ZNF154: variants seen among roughly 807,000 people sequenced by gnomAD.
ZNF154 encodes zinc finger protein 154.
Under a neutral mutation model 7.5 loss-of-function variants are expected in ZNF154, and 6 were observed. The ratio of observed to expected loss-of-function variants is 0.80; its 90% CI spans 0.44 to 1.57. ZNF154 has a LOEUF of 1.57. Among genes scored for constraint, ZNF154 ranks in the 40% most tolerant of loss-of-function variants. The pLI, the probability that ZNF154 is intolerant of heterozygous loss-of-function variation, is 0.01. For missense variants in ZNF154, 485 were observed against 531.4 expected, an observed-to-expected ratio of 0.91 and a Z score of 0.86; for synonymous variants, 187 against 185.9, an observed-to-expected ratio of 1.01 and a Z score of -0.05.
rs1291417288 is a variant in ZNF154 at position 57,698,511 on chromosome 19, T to A, written c.*3124A>T. 1.3e-5 allele frequency: 2 copies of A among 152,234 alleles called. No individual in the cohort carries two copies. Among genetic ancestry groups the A allele is most frequent in the Non-Finnish European group, 2.9e-5 (2 of 68,038 alleles). 9.4% of individuals were successfully genotyped at this position (152,234 alleles called of 1,614,324 possible). ...AGTAACATGTTGGCAGTTTCAAAAT[T>A]GGCATGGTGGGAGCAATTACAGGTT... On this transcript the variant is annotated 3_prime_UTR_variant, in exon 3 of 3. Coordinates refer to ENST00000684351, the MANE Select transcript of ZNF154 (RefSeq NM_001085384.3).
At chr19:57,704,425 T>G (rs539166265) in intron 2 of ZNF154, among the ~76,000 whole-genome samples, 13 of 152,138 alleles carry the variant, frequency 8.5e-5, no homozygotes, top group Non-Finnish European at 1.8e-4. Flanking sequence ...AGAGGAATAC[T>G]TTGTAAGAAG....
rs752982212 is a variant in ZNF154 at position 57,704,952 on chromosome 19, C to T, written c.61G>A (p.Val21Ile). 3.0e-5 allele frequency: 49 copies of T among 1,613,028 alleles called. No individual in the cohort carries two copies. Among genetic ancestry groups the T allele is most frequent in the Admixed American group, 2.0e-4 (12 of 59,780 alleles). ...QGTVTFEDVA[V>I]HFSWEEWGLL... ...CCCCATTCCTCCCAGGAGAAGTGTACGGCCACATCTTCAAAGGTCACAGTG... is the reference window on the plus strand; with the variant it reads ...CCCCATTCCTCCCAGGAGAAGTGTATGGCCACATCTTCAAAGGTCACAGTG... The change falls in exon 2 of 3, where the codon GTA becomes ATA. Residue 21 changes from valine (V) to isoleucine (I), a missense_variant. Physicochemically the swap from Val to Ile is conservative, Grantham distance 29. Coordinates refer to ENST00000684351, the MANE Select transcript of ZNF154 (RefSeq NM_001085384.3).
intron 1 of ZNF154, among the ~76,000 whole-genome samples, chr19:57,706,808 T>C (rs1985412347): frequency 6.6e-6 from 1 of 152,222 alleles, no homozygotes; most frequent in African/African-American, 2.4e-5. Flanking sequence ...TGTACCACCA[T>C]GCCTAAAGAT....
In ZNF154 at chr19:57,697,022, A is replaced by T. The variant is rs755637341; in HGVS notation, c.*4613T>A. Among the ~76,000 whole-genome samples, 3 of 152,198 alleles carry T rather than the reference A, an allele frequency of 2.0e-5. No individual in the cohort carries two copies. The highest frequency in any genetic ancestry group is 4.4e-5 in the Non-Finnish European group (3 of 68,044). ...CCTGTTAGGATGAACTATGTGTGAC[A>T]AATGGTGCTGTCAAATTCGTATTTG... On this transcript the variant is annotated 3_prime_UTR_variant, in exon 3 of 3. Transcript: ENST00000684351.
chr19:57,706,477 T>C (rs1050520801), intron 1 of ZNF154, among the ~76,000 whole-genome samples: 9 of 152,212 alleles, frequency 5.9e-5, no homozygotes, highest in African/African-American at 2.2e-4. Context: ...GCACCTGGCC[T>C]TATCCTCCAG....
Position 57,709,063 on chromosome 19 carries a change from C to T in ZNF154, c.-92G>A. 2.0e-6 allele frequency: 3 copies of T among 1,520,074 alleles called. No individual in the cohort carries two copies. The highest frequency in any genetic ancestry group is 1.8e-6 in the Non-Finnish European group (2 of 1,121,608). The allele number at this position is 1,520,074 out of a possible 1,614,324, so 94.2% of individuals were successfully genotyped here. ...TCCCTATCCCAGGCCTGACGTGGGT[C>T]CCCCAGGGCGGCGTCGCCAAGGCTT... On this transcript the variant is annotated 5_prime_UTR_variant, in exon 1 of 3. Coordinates refer to ENST00000684351, the MANE Select transcript of ZNF154 (RefSeq NM_001085384.3).
chr19:57,707,819 C>A (rs1374051386), intron 1 of ZNF154, among the ~76,000 whole-genome samples: 1 of 152,192 alleles, frequency 6.6e-6, no homozygotes, highest in Non-Finnish European at 1.5e-5. Flanking sequence ...CAAGTTTCCA[C>A]TGGCTGACAA....
intron 1 of ZNF154, among the ~76,000 whole-genome samples, chr19:57,705,297 C>T (rs1028948259): frequency 5.3e-5 from 8 of 152,206 alleles, no homozygotes; most frequent in East Asian, 1.9e-4. Flanking sequence ...GACACCACAG[C>T]CCCAAGCCCA....
chr19:57,699,653 TCAG>T lies in ZNF154; in HGVS notation c.*1979_*1981del, dbSNP rs1471510657. 6.1e-6 allele frequency: 1 copy of T among 163,922 alleles called. No individual in the cohort carries two copies. Among genetic ancestry groups the T allele is most frequent in the Non-Finnish European group, 1.4e-5 (1 of 71,972 alleles). The allele number at this position is 163,922 out of a possible 1,614,324, so 10.2% of individuals were successfully genotyped here. A position where few individuals can be genotyped will look rare whatever the true frequency, so the allele number is the denominator to read the frequency against. ...TCAATGTCAACCATTCCACGGCTGTTCAGCATTTGAAGGAAATTGGAATGGTGA... is the reference window on the plus strand; with the variant it reads ...TCAATGTCAACCATTCCACGGCTGTTCATTTGAAGGAAATTGGAATGGTGA... On this transcript the variant is annotated 3_prime_UTR_variant, in exon 3 of 3. Transcript: ENST00000684351.
At position 57,702,291 on chromosome 19, in the gene ZNF154, C is replaced by T. The variant is rs748885361; in HGVS notation, c.658G>A (p.Asp220Asn). The change falls in exon 3 of 3, where the codon GAT becomes AAT. Residue 220 changes from aspartate (D) to asparagine (N), a missense_variant. Physicochemically the swap from Asp to Asn is conservative, Grantham distance 23. Transcript: ENST00000684351. ...TTGCTAAATAATTTTCCACATTCAT[C>T]ACATTCATGAGGTCGTACTGCAGTG... ...VHTAVRPHEC[D>N]ECGKLFSNKS... 6.2e-7 allele frequency: 1 copy of T among 1,613,036 alleles called. No homozygotes were observed. The highest frequency in any genetic ancestry group is 1.7e-4 in the Middle Eastern group (1 of 6,058).
At chr19:57,707,166 C>G (rs1985429459) in intron 1 of ZNF154, among the ~76,000 whole-genome samples, 1 of 149,886 alleles carries the variant, frequency 6.7e-6, no homozygotes, top group South Asian at 2.1e-4. Flanking sequence ...CCACAGCTCA[C>G]TCACCTTAGT....
chr19:57,697,731 G>A lies in ZNF154; in HGVS notation c.*3904C>T, dbSNP rs1984953250. The A allele has an allele frequency of 6.6e-6, 1 of 151,950 alleles. No homozygotes were observed. Among genetic ancestry groups the A allele is most frequent in the South Asian group, 2.1e-4 (1 of 4,830 alleles). The allele number at this position is 151,950 out of a possible 1,614,324, so 9.4% of individuals were successfully genotyped here. On this transcript the variant is annotated 3_prime_UTR_variant, in exon 3 of 3. Coordinates refer to ENST00000684351, the MANE Select transcript of ZNF154 (RefSeq NM_001085384.3). The stretch of plus-strand genomic sequence containing the variant: ...ACATGAGGACCGATGAAACATAAAT[G>A]ACTATGAAATGATAAATGGTGAAGG...
rs1165556826 is a variant in ZNF154 at position 57,709,124 on chromosome 19, C to T, written c.-153G>A. 1 of 1,028,724 alleles carries T rather than the reference C, an allele frequency of 9.7e-7. No individual in the cohort carries two copies. 63.7% of individuals were successfully genotyped at this position (1,028,724 alleles called of 1,614,324 possible). A position where few individuals can be genotyped will look rare whatever the true frequency, so the allele number is the denominator to read the frequency against. ...GTGCAGGAGGGACGACGACTCCCCT[C>T]ACGCCTTCGTGGCCCCAACTCGGCG... On this transcript the variant is annotated 5_prime_UTR_variant, in exon 1 of 3. Transcript: ENST00000684351.
Position 57,699,467 on chromosome 19 carries a change from G to A in ZNF154, c.*2168C>T. On this transcript the variant is annotated 3_prime_UTR_variant, in exon 3 of 3. Transcript: ENST00000684351. ...TATAAACACATTTGGCCCAGGAACT[G>A]CTAACGAATGTACAGTGCAGTGGTG... is the stretch of plus-strand genomic sequence containing the variant. The A allele has an allele frequency of 2.7e-6, 1 of 365,810 alleles. No homozygotes were observed. The highest frequency in any genetic ancestry group is 5.6e-6 in the Non-Finnish European group (1 of 177,582). The allele number at this position is 365,810 out of a possible 1,614,324, so 22.7% of individuals were successfully genotyped here.
At position 57,702,455 on chromosome 19, in the gene ZNF154, T is replaced by A. The variant is rs1270477842; in HGVS notation, c.494A>T (p.Glu165Val). Residue 165 changes from glutamate (E) to valine (V), a missense_variant, in exon 3 of 3, where the codon GAA becomes GTA. Glu to Val is a moderately radical substitution (Grantham distance 121). Coordinates refer to ENST00000684351, the MANE Select transcript of ZNF154 (RefSeq NM_001085384.3). Reference protein sequence around the residue: ...LTTERCYICSECGKSFSKSYS... With the variant: ...LTTERCYICSVCGKSFSKSYS... ...GCTTTTGCTAAAGGATTTCCCACAT[T>A]CACTGCATATGTAACATCTTTCTGT... The A allele has an allele frequency of 6.2e-7, 1 of 1,614,122 alleles. No individual in the cohort carries two copies. Among genetic ancestry groups the A allele is most frequent in the Non-Finnish European group, 8.5e-7 (1 of 1,180,048 alleles).
At chr19:57,707,741 C>A (rs1985449323) in intron 1 of ZNF154, among the ~76,000 whole-genome samples, 1 of 152,136 alleles carries the variant, frequency 6.6e-6, no homozygotes, top group Non-Finnish European at 1.5e-5. Flanking sequence ...ATGGTTTCCT[C>A]AAAAATCTCA....
At chr19:57,703,990 C>CA (rs1985288705) in intron 2 of ZNF154, among the ~76,000 whole-genome samples, 1 of 152,088 alleles carries the variant, frequency 6.6e-6, no homozygotes, top group Non-Finnish European at 1.5e-5. Flanking sequence ...GCCTGGGTGA[C>CA]AGAGTGAGAC....
In ZNF154 at chr19:57,696,618, G is replaced by C. The variant is rs981485948; in HGVS notation, c.*5017C>G. Among the ~76,000 whole-genome samples, 1 of 152,198 alleles carries C rather than the reference G, an allele frequency of 6.6e-6. No homozygotes were observed. Among genetic ancestry groups the C allele is most frequent in the Non-Finnish European group, 1.5e-5 (1 of 68,044 alleles). Reference sequence around the variant, plus strand: ...AAGTGCTGCAAGCACCAAGACCCAGGGTGGTAACTTGCAGGGGGAGGCCAG... The same window carrying C: ...AAGTGCTGCAAGCACCAAGACCCAGCGTGGTAACTTGCAGGGGGAGGCCAG... On this transcript the variant is annotated 3_prime_UTR_variant, in exon 3 of 3. Transcript: ENST00000684351.
At chr19:57,702,831 A>G in intron 2 of ZNF154, 43 bp from the exon 3 acceptor site, 1 of 1,553,030 alleles carries the variant, frequency 6.4e-7, no homozygotes, top group Non-Finnish European at 8.7e-7. Flanking sequence ...CCACCTCTAT[A>G]TAATTTCTGC....
Sources: allele counts gnomAD v4.1 joint callset (sites outside exome capture counted in the v4.1 genomes callset), GRCh38; gene constraint gnomAD v4.1.1; transcripts MANE v1.5; gene names NCBI Gene and HGNC (gene_info 2026-07-23, HGNC 2026-07-21).